The following SVEP1 variants were observed in gnomAD, a reference collection of about 807,000 sequenced individuals.
SVEP1 encodes sushi, von Willebrand factor type A, EGF and pentraxin domain containing 1, also known as sushi, von Willebrand factor type A, EGF and pentraxin domain-containing protein 1.
In SVEP1, 164 loss-of-function variants were observed where a neutral mutation model predicts 367.3. The observed-to-expected ratio is 0.45, with a 90% CI of 0.39 to 0.51. The LOEUF (loss-of-function observed/expected upper bound fraction) is 0.51. Ranked by LOEUF, SVEP1 falls within the 20% of genes least tolerant of loss-of-function variation. The probability of loss-of-function intolerance (pLI) is 0.00; values close to 1 mark genes in which losing one functional copy is unlikely to be tolerated. For missense variants in SVEP1, 4,117 were observed against 4,425.3 expected, an observed-to-expected ratio of 0.93 and a Z score of 1.98; for synonymous variants, 1,666 against 1,611.6, an observed-to-expected ratio of 1.03 and a Z score of -0.81.
intron 5 of SVEP1, among the ~76,000 whole-genome samples, chr9:110,511,066 C>A (rs1829703368): frequency 6.6e-6 from 1 of 152,198 alleles, no homozygotes. Flanking sequence ...TAATCTGATT[C>A]TTTCTCCTTG....
chr9:110,492,729 G>T (rs973486740), intron 8 of SVEP1, among the ~76,000 whole-genome samples: 1 of 152,152 alleles, frequency 6.6e-6, no homozygotes, highest in South Asian at 2.1e-4. Flanking sequence ...CAAGTGGCAG[G>T]GCTTCAGACA....
intron 1 of SVEP1, among the ~76,000 whole-genome samples, chr9:110,562,573 G>GA (rs1275414036): frequency 6.6e-6 from 1 of 152,206 alleles, no homozygotes; most frequent in African/African-American, 2.4e-5. Flanking sequence ...GGAAAGAACA[G>GA]AGAGGTACTT....
chr9:110,400,461 G>A (rs920267534), intron 40 of SVEP1, among the ~76,000 whole-genome samples: 3 of 151,934 alleles, frequency 2.0e-5, no homozygotes, highest in African/African-American at 7.3e-5. Context: ...ATGCCTCACG[G>A]GTTCAAGCGA....
In SVEP1 at chr9:110,579,600, G is replaced by A; in HGVS notation, c.-57C>T. The A allele has an allele frequency of 1.4e-6, 2 of 1,476,704 alleles. No individual in the cohort carries two copies. The highest frequency in any genetic ancestry group is 2.7e-5 in the South Asian group (2 of 73,168). 91.5% of individuals were successfully genotyped at this position (1,476,704 alleles called of 1,614,324 possible). A position where few individuals can be genotyped will look rare whatever the true frequency, so the allele number is the denominator to read the frequency against. On this transcript the variant is annotated 5_prime_UTR_variant, in exon 1 of 48. Transcript: ENST00000374469. The surrounding 1 kb of genome is among the most constrained non-coding windows in gnomAD (Gnocchi z 5.3). ...GCAGGCGGCGGCTCGGGCGGGAAGA[G>A]GCGCTGGGCGGCCGGACTCGCAGAG...
chr9:110,492,575 C>T (rs1272656528), intron 8 of SVEP1, among the ~76,000 whole-genome samples: 1 of 151,816 alleles, frequency 6.6e-6, no homozygotes, highest in African/African-American at 2.4e-5. Flanking sequence ...GGAAAAATCG[C>T]CAGGAGGCTG....
Position 110,409,068 on chromosome 9 carries a change from A to G in SVEP1, c.6649-117T>C, listed in dbSNP as rs535869628. ...CTATGTTAAAATGAATCAATTAGGA[A>G]GTAAGCAAATAATGATTTATGGTTT... On this transcript the variant is annotated intron_variant, in intron 37 of 47. Transcript: ENST00000374469. 326 of 1,124,538 alleles carry G rather than the reference A, an allele frequency of 2.9e-4. 4 individuals carry two copies. The South Asian group carries it at 5.7e-3, about 20-fold the overall frequency. 69.7% of individuals were successfully genotyped at this position (1,124,538 alleles called of 1,614,324 possible). A position where few individuals can be genotyped will look rare whatever the true frequency, so the allele number is the denominator to read the frequency against.
At chr9:110,539,673 C>CAT (rs752201551) in intron 3 of SVEP1, among the ~76,000 whole-genome samples, 2 of 150,776 alleles carry the variant, frequency 1.3e-5, no homozygotes, top group Non-Finnish European at 3.0e-5. Context: ...ATGTACATTA[C>CAT]ATATATATAT....
At position 110,529,428 on chromosome 9, in the gene SVEP1, T is replaced by C. The variant is rs116406926; in HGVS notation, c.965-15322A>G. On this transcript the variant is annotated intron_variant, in intron 3 of 47. Coordinates refer to ENST00000374469, the MANE Select transcript of SVEP1 (RefSeq NM_153366.4). ...CATTGTTATTTTGATAGGAATTGCA[T>C]TGAATCTGTACATTACATTGAGCAA... Among the ~76,000 whole-genome samples, 709 of 152,266 alleles carry C rather than the reference T, an allele frequency of 4.7e-3. 4 individuals carry two copies. The highest frequency in any genetic ancestry group is 0.016 in the African/African-American group (660 of 41,566).
chr9:110,525,764 ATT>A (rs111554528), intron 3 of SVEP1, among the ~76,000 whole-genome samples: 3 of 147,616 alleles, frequency 2.0e-5, no homozygotes, highest in African/African-American at 2.5e-5. Flanking sequence ...TGCCTGGCTG[ATT>A]TTTTTTTTTT....
rs971796635 is a variant in SVEP1, at chr9:110,445,383, C to T, written c.4463+454G>A. On this transcript the variant is annotated intron_variant, in intron 26 of 47. Coordinates refer to ENST00000374469, the MANE Select transcript of SVEP1 (RefSeq NM_153366.4). ...TGTATACTGATTTGTATGCAATACA[C>T]TTGTCTCCCAAGGTCAATGATGTCA... is the stretch of plus-strand genomic sequence containing the variant. Among the ~76,000 whole-genome samples the T allele has an allele frequency of 9.9e-5, 15 of 152,260 alleles. No homozygotes were observed. The South Asian group carries it at 2.9e-3, about 29-fold the overall frequency.
chr9:110,455,840 G>A (rs1282635087), intron 21 of SVEP1, 137 bp from the exon 22 acceptor site: 3 of 525,414 alleles, frequency 5.7e-6, no homozygotes, highest in South Asian at 8.3e-5. Context: ...TTCATTAAGT[G>A]CTACCATCTA....
intron 40 of SVEP1, among the ~76,000 whole-genome samples, chr9:110,398,031 C>T (rs1466311516): frequency 6.9e-6 from 1 of 144,816 alleles, no homozygotes; most frequent in Non-Finnish European, 1.5e-5. Flanking sequence ...GCTGCGTCAC[C>T]AAGTCAATCC....
At chr9:110,426,673 C>A (rs1431789020) in intron 36 of SVEP1, among the ~76,000 whole-genome samples, 1 of 152,178 alleles carries the variant, frequency 6.6e-6, no homozygotes, top group Non-Finnish European at 1.5e-5. Context: ...AAATGAAACT[C>A]AGATGACCTG....
At chr9:110,572,692 T>C (rs1480927992) in intron 1 of SVEP1, among the ~76,000 whole-genome samples, 1 of 148,672 alleles carries the variant, frequency 6.7e-6, no homozygotes, top group African/African-American at 2.5e-5. Flanking sequence ...CGAAACCTTG[T>C]CTCTACTAAA....
chr9:110,504,384 G>A (rs1829591396), intron 5 of SVEP1, among the ~76,000 whole-genome samples: 1 of 152,108 alleles, frequency 6.6e-6, no homozygotes, highest in Non-Finnish European at 1.5e-5. Flanking sequence ...AAAGGGGGCT[G>A]TCTCAATTGA....
intron 1 of SVEP1, among the ~76,000 whole-genome samples, chr9:110,555,365 T>C (rs1472736570): frequency 6.6e-6 from 1 of 152,128 alleles, no homozygotes; most frequent in Non-Finnish European, 1.5e-5. Flanking sequence ...TGGAGCAGAG[T>C]TACTTGAATG....
At chr9:110,524,057 G>A (rs186300358) in intron 3 of SVEP1, among the ~76,000 whole-genome samples, 1 of 152,082 alleles carries the variant, frequency 6.6e-6, no homozygotes, top group Admixed American at 6.6e-5. Context: ...CAACTCAAAT[G>A]AAACAGACCA....
Position 110,471,417 on chromosome 9 carries a change from T to C in SVEP1, c.2945A>G (p.Lys982Arg). ...TGGTCTGCAGAAGGGGGAAGCCTTT[T>C]TTGTTTCTAATGAATTGCTGTCGGC... is the stretch of plus-strand genomic sequence containing the variant. The part of the protein sequence containing the change: ...LIADSNSLET[K>R]KASPFCRPGS... Residue 982 changes from lysine (K) to arginine (R), a missense_variant, in exon 16 of 48, where the codon AAA (lysine) becomes AGA (arginine). Physicochemically the swap from Lys to Arg is conservative, Grantham distance 26 (BLOSUM62 2). Around this residue, in one of 4 missense-constraint regions of SVEP1, gnomAD observed 2,174 missense variants for 2,494.3 expected, o/e 0.87. Transcript: ENST00000374469. The C allele has an allele frequency of 6.2e-7, 1 of 1,614,010 alleles. No individual in the cohort carries two copies. Among genetic ancestry groups the C allele is most frequent in the Middle Eastern group, 1.6e-4 (1 of 6,062 alleles).
At chr9:110,572,288 A>G (rs1468182569) in intron 1 of SVEP1, among the ~76,000 whole-genome samples, 2 of 152,222 alleles carry the variant, frequency 1.3e-5, no homozygotes, top group Admixed American at 6.5e-5. Flanking sequence ...CCCTTTGGCC[A>G]CAGCTGTGAG....
Sources: gnomAD v4.1 joint callset for allele counts (sites outside exome capture counted in the v4.1 genomes callset) on GRCh38, gnomAD v4.1.1 for gene constraint, gnomAD v4.1.1 regional missense constraint, Gnocchi (gnomAD v3.1) non-coding constraint, MANE v1.5 for transcripts, NCBI Gene and HGNC (gene_info 2026-07-23, HGNC 2026-07-21) for gene names.